The following SNAPIN variants were observed in gnomAD, a reference collection of about 807,000 sequenced individuals.
SNAPIN encodes the protein SNAP associated protein.
A neutral mutation model predicts 15.9 loss-of-function variants in SNAPIN; 16 were observed. The ratio of observed to expected loss-of-function variants is 1.01; its 90% confidence interval spans 0.68 to 1.53. The LOEUF (loss-of-function observed/expected upper bound fraction) is 1.53. SNAPIN is among the 40% of genes most tolerant of loss of function. The probability of loss-of-function intolerance (pLI) is 0.00; values close to 1 mark genes in which losing one functional copy is unlikely to be tolerated. For synonymous variants in SNAPIN, 83 were observed against 76.2 expected (o/e 1.09, Z -0.46); for missense variants, 186 against 180.1 (o/e 1.03, Z -0.19).
At chr1:153,660,329 G>GC (rs1669115331) in intron 3 of SNAPIN, among the ~76,000 whole-genome samples, 4 of 118,384 alleles carry the variant, frequency 3.4e-5, no homozygotes, top group Non-Finnish European at 6.7e-5. Context: ...GGCCTGCCTG[G>GC]CCTTTTTTTT....
At position 153,661,345 on chromosome 1, in the gene SNAPIN, C is replaced by A; in HGVS notation, c.*44C>A. 6.8e-7 allele frequency: 1 copy of A among 1,466,246 alleles called. No homozygotes were observed. The highest frequency in any genetic ancestry group is 9.5e-7 in the Non-Finnish European group (1 of 1,049,226). The allele number at this position is 1,466,246 out of a possible 1,614,324, so 90.8% of individuals were successfully genotyped here. ...CAGTAGCACAAGTACTGTTCCCCAG[C>A]TGCCTTGTTTCAACAGACATGCAAA... is the stretch of plus-strand genomic sequence containing the variant. On this transcript the variant is annotated 3_prime_UTR_variant, in exon 4 of 4. Transcript: ENST00000368685.
upstream of SNAPIN, chr1:153,658,700 C>T: frequency 6.7e-7 from 1 of 1,487,226 alleles, no homozygotes; most frequent in South Asian, 1.4e-5. Context: ...GCTCCGGTTC[C>T]CGGCGGCCCT....
chr1:153,659,039 G>A, intron 1 of SNAPIN, 99 bp from the exon 2 acceptor site: 2 of 1,550,896 alleles, frequency 1.3e-6, no homozygotes, highest in Non-Finnish European at 1.8e-6. Context: ...AGGGTTCAGC[G>A]GAGGCCGGCT....
Position 153,658,934 on chromosome 1 carries a change from AGGGGC to A in SNAPIN, c.143+54_143+58del, listed in dbSNP as rs768332435. The A allele has an allele frequency of 1.9e-6, 3 of 1,602,056 alleles. No homozygotes were observed. The African/African-American group carries it at 4.1e-5, about 22-fold the overall frequency. On this transcript the variant is annotated intron_variant, in intron 1 of 3. Coordinates refer to ENST00000368685, the MANE Select transcript of SNAPIN (RefSeq NM_012437.6). The stretch of plus-strand genomic sequence containing the variant: ...GCGGGGCCTGTCTCTCTGGCTTTGT[AGGGGC>A]GGGGCCAAGAAAGTGTTCTGGCTGG...
At position 153,661,253 on chromosome 1, in the gene SNAPIN, A is replaced by G; in HGVS notation, c.363A>G (p.Arg121=). ...TTGCCAAGGAAACAGCCCGCAGGAG[A>G]GCAATGCTGGATTCGGGAATTTACC... ...HSVAKETARR[R]AMLDSGIYPP... is the part of the protein sequence containing the mutation. The change falls in exon 4 of 4, where the codon AGA becomes AGG. Residue 121 remains arginine (R), a synonymous_variant. Transcript: ENST00000368685. 1 of 1,613,752 alleles carries G rather than the reference A, an allele frequency of 6.2e-7. No individual in the cohort carries two copies. The highest frequency in any genetic ancestry group is 8.5e-7 in the Non-Finnish European group (1 of 1,179,808).
intron 3 of SNAPIN, among the ~76,000 whole-genome samples, chr1:153,660,378 G>A (rs1316024567): frequency 6.6e-6 from 1 of 150,884 alleles, no homozygotes; most frequent in Non-Finnish European, 1.5e-5. Context: ...GCTGGGCGCG[G>A]TGGCTCTTGC....
chr1:153,660,885 A>G (rs973692352), intron 3 of SNAPIN, among the ~76,000 whole-genome samples: 14 of 151,436 alleles, frequency 9.2e-5, no homozygotes, highest in African/African-American at 3.4e-4. Flanking sequence ...CCCGGTTTCA[A>G]GCGATTCTCC....
chr1:153,661,008 A>G (rs879860415), intron 3 of SNAPIN, among the ~76,000 whole-genome samples, 192 bp from the exon 4 acceptor site: 14 of 151,596 alleles, frequency 9.2e-5, no homozygotes, highest in South Asian at 4.2e-4. Context: ...GACCTCAGGT[A>G]ATCCACCCGC....
intron 1 of SNAPIN, 35 bp downstream of exon 1, chr1:153,658,921 T>G (rs1243892312): frequency 3.1e-6 from 5 of 1,605,408 alleles, no homozygotes; most frequent in Non-Finnish European, 1.7e-6. Flanking sequence ...GGGGCCTGTC[T>G]CTCTGGCTTT....
rs1310150311 is a variant in SNAPIN at position 153,661,280 on chromosome 1, C to G, written c.390C>G (p.Pro130=). 6.8e-6 allele frequency: 11 copies of G among 1,613,276 alleles called. No individual in the cohort carries two copies. Among genetic ancestry groups the G allele is most frequent in the African/African-American group, 1.3e-5 (1 of 74,882 alleles). ...RRAMLDSGIY[P]PGSPGK Reference sequence around the variant, plus strand: ...CAATGCTGGATTCGGGAATTTACCCCCCTGGCTCCCCAGGCAAATAACAGA... The same window carrying G: ...CAATGCTGGATTCGGGAATTTACCCGCCTGGCTCCCCAGGCAAATAACAGA... Residue 130 remains proline (P), a synonymous_variant, in exon 4 of 4, where the codon CCC becomes CCG. Coordinates refer to ENST00000368685, the MANE Select transcript of SNAPIN (RefSeq NM_012437.6).
rs778616155 is a variant in SNAPIN at position 153,658,928 on chromosome 1, C to T, written c.143+42C>T. 1.4e-5 allele frequency: 22 copies of T among 1,604,434 alleles called. No homozygotes were observed. The East Asian group carries it at 3.3e-4, about 24-fold the overall frequency. On this transcript the variant is annotated intron_variant, in intron 1 of 3. Transcript: ENST00000368685. ...TTGGGGGCGGGGCCTGTCTCTCTGG[C>T]TTTGTAGGGGCGGGGCCAAGAAAGT...
At chr1:153,659,078 G>T in intron 1 of SNAPIN, 60 bp from the exon 2 acceptor site, 3 of 1,588,550 alleles carry the variant, frequency 1.9e-6, no homozygotes, top group Non-Finnish European at 2.6e-6. Context: ...ATACGTAGGG[G>T]AGTTCGTTTC....
chr1:153,660,599 G>T (rs1669124221), intron 3 of SNAPIN, among the ~76,000 whole-genome samples: 1 of 145,564 alleles, frequency 6.9e-6, no homozygotes, highest in Non-Finnish European at 1.5e-5. Flanking sequence ...GGTGAGCTGA[G>T]ATCGCACCAT....
chr1:153,658,788 G>C lies in SNAPIN; in HGVS notation c.45G>C (p.Pro15=). The C allele has an allele frequency of 6.3e-7, 1 of 1,585,084 alleles. No homozygotes were observed. Among genetic ancestry groups the C allele is most frequent in the Non-Finnish European group, 8.5e-7 (1 of 1,171,502 alleles). ...CCGCTGTATCGGGGGCAGGGACCCC[G>C]GTGGCGGGGCCCACAGGCCGCGACC... is the stretch of plus-strand genomic sequence containing the variant. The part of the protein sequence containing the change: ...GSAAVSGAGT[P]VAGPTGRDLF... The change falls in exon 1 of 4, where the codon CCG becomes CCC. Residue 15 remains proline, a synonymous_variant. Transcript: ENST00000368685.
chr1:153,659,324 C>CT, intron 2 of SNAPIN, 124 bp from the exon 3 acceptor site: 1 of 1,233,374 alleles, frequency 8.1e-7, no homozygotes, highest in Non-Finnish European at 1.2e-6. Context: ...TCAGGGATGT[C>CT]TTAAATCTCT....
chr1:153,660,816 CCT>C (rs1364117699), intron 3 of SNAPIN, among the ~76,000 whole-genome samples: 2 of 148,756 alleles, frequency 1.3e-5, no homozygotes, highest in Non-Finnish European at 3.0e-5. Context: ...TGGAGTTCTC[CCT>C]CTGTCACCCA....
At position 153,659,559 on chromosome 1, in the gene SNAPIN, A is replaced by T; in HGVS notation, c.302A>T (p.Asn101Ile). 6.2e-7 allele frequency: 1 copy of T among 1,607,460 alleles called. No homozygotes were observed. Among genetic ancestry groups the T allele is most frequent in the African/African-American group, 1.3e-5 (1 of 74,876 alleles). The change falls in exon 3 of 4, where the codon AAT becomes ATT. Residue 101 changes from asparagine to isoleucine, a missense_variant. Transcript: ENST00000368685. ...RVVLVNNILQ[N>I]AQERLRRLNH... ...GTCTTGGTTAACAACATTCTACAGA[A>T]TGCTCAGGTAAAAGAATATCTTACC...
At chr1:153,660,331 CTT>C (rs534699445) in intron 3 of SNAPIN, among the ~76,000 whole-genome samples, 14 of 135,128 alleles carry the variant, frequency 1.0e-4, no homozygotes, top group East Asian at 2.3e-4. Flanking sequence ...CCTGCCTGGC[CTT>C]TTTTTTTTTT....
chr1:153,660,786 ATTTTT>A (rs34770483), intron 3 of SNAPIN, among the ~76,000 whole-genome samples: 1 of 137,564 alleles, frequency 7.3e-6, no homozygotes, highest in Non-Finnish European at 1.6e-5. Context: ...CCTGGCCTAC[ATTTTT>A]TTTTTTTTTT....
Sources: gnomAD v4.1 joint callset for allele counts (sites outside exome capture counted in the v4.1 genomes callset) on GRCh38, gnomAD v4.1.1 for gene constraint, MANE v1.5 for transcripts, NCBI Gene and HGNC (gene_info 2026-07-23, HGNC 2026-07-21) for gene names.